The following ITGB4 variants were observed in gnomAD, a reference collection of about 807,000 sequenced individuals.
ITGB4 encodes integrin beta-4.
In ITGB4, 159 loss-of-function variants were observed where a neutral mutation model predicts 207.6. The observed-to-expected ratio is 0.77, with a 90% CI of 0.67 to 0.87. The LOEUF (loss-of-function observed/expected upper bound fraction) is 0.87, where lower values mean the gene tolerates loss of function less well. Ranked by LOEUF, ITGB4 falls within the 40% of genes least tolerant of loss-of-function variation. ITGB4 has a pLI of 0.00. For synonymous variants in ITGB4, 1,020 were observed against 1,062.7 expected, an observed-to-expected ratio of 0.96 and a Z score of 0.78; for missense variants, 2,278 against 2,546.8, an observed-to-expected ratio of 0.89 and a Z score of 2.27.
At position 75,753,807 on chromosome 17, in the gene ITGB4, A is replaced by G; in HGVS notation, c.4151A>G (p.Asp1384Gly). The change falls in exon 33 of 40, where the codon GAC (aspartate) becomes GGC (glycine). Residue 1384 changes from aspartate to glycine, a missense_variant. Physicochemically the swap from Asp to Gly is moderately conservative, Grantham distance 94. Transcript: ENST00000200181. ...GAGCCCCTGCTGGGGGAGGAGCTGGACCTGCGGCGCGTCACGTGGCGGCTG... is the reference window on the plus strand; with the variant it reads ...GAGCCCCTGCTGGGGGAGGAGCTGGGCCTGCGGCGCGTCACGTGGCGGCTG... ...KFEPLLGEEL[D>G]LRRVTWRLPP... The G allele has an allele frequency of 2.1e-5, 31 of 1,465,580 alleles. No individual in the cohort carries two copies. Among genetic ancestry groups the G allele is most frequent in the Non-Finnish European group, 2.8e-5 (31 of 1,109,476 alleles). 90.8% of individuals were successfully genotyped at this position (1,465,580 alleles called of 1,614,324 possible). A position where few individuals can be genotyped will look rare whatever the true frequency, so the allele number is the denominator to read the frequency against.
chr17:75,722,756 C>CGTGTGTGT lies in ITGB4; in HGVS notation c.-11+1144_-11+1145insGTGTGTGT, dbSNP rs1476736666. Among the ~76,000 whole-genome samples, 3 of 39,724 alleles carry CGTGTGTGT rather than the reference C, an allele frequency of 7.6e-5. No homozygotes were observed. The highest frequency in any genetic ancestry group is 1.1e-3 in the South Asian group (1 of 870). The allele number at this position is 39,724 out of a possible 152,430, so 26.1% of individuals were successfully genotyped here. ...TGAGCCTGTGGGTGGGTGGGCATGG[C>CGTGTGTGT]CTGTGTGTGTGTGTGTGTGTGTGTG... On this transcript the variant is annotated intron_variant, in intron 1 of 39. Coordinates refer to ENST00000200181, the MANE Select transcript of ITGB4 (RefSeq NM_000213.5). This position sits in a 1 kb window ranked among gnomAD's most constrained non-coding sequence, Gnocchi z 6.2.
In ITGB4 at chr17:75,737,424, T is replaced by A. The variant is rs746193892; in HGVS notation, c.2093T>A (p.Val698Asp). Residue 698 changes from valine (V) to aspartate (D), a missense_variant, in exon 17 of 40, where the codon GTC becomes GAC. Coordinates refer to ENST00000200181, the MANE Select transcript of ITGB4 (RefSeq NM_000213.5). ...GDGAPGPNST[V>D]LVHKKKDCPP... The stretch of plus-strand genomic sequence containing the variant: ...GGCGCCCCTGGGCCCAACAGCACTG[T>A]CCTGGTGCACAAGAAGAAGGGTGAG... 2.6e-6 allele frequency: 4 copies of A among 1,556,456 alleles called. No homozygotes were observed.
Position 75,731,066 on chromosome 17 carries a change from C to A in ITGB4, c.1092+102C>A. On this transcript the variant is annotated intron_variant, in intron 9 of 39. Transcript: ENST00000200181. This position sits in a 1 kb window ranked among gnomAD's most constrained non-coding sequence, Gnocchi z 6.8. ...CTTGGATCACGGTGGAGAAATGGGT[C>A]TGGGACAGACCAGTGAGGAAGGGTC... is the stretch of plus-strand genomic sequence containing the variant. 7.0e-7 allele frequency: 1 copy of A among 1,419,228 alleles called. No individual in the cohort carries two copies. The highest frequency in any genetic ancestry group is 9.9e-7 in the Non-Finnish European group (1 of 1,012,234). The allele number at this position is 1,419,228 out of a possible 1,614,324, so 87.9% of individuals were successfully genotyped here.
rs1378675023 is a variant in ITGB4, at chr17:75,757,496, A to T, written c.5410A>T (p.Thr1804Ser). The change falls in exon 40 of 40, where the codon ACA becomes TCA. Residue 1804 changes from threonine (T) to serine (S), a missense_variant. By Grantham distance (58) the Thr-to-Ser change is moderately conservative. Transcript: ENST00000200181. ...TGTGACCCAGGAGTTTGTGAGCCGG[A>T]CACTGACCACCAGCGGAACCCTTAG... The part of the protein sequence containing the change: ...RHVTQEFVSR[T>S]LTTSGTLSTH... 1.9e-6 allele frequency: 3 copies of T among 1,613,200 alleles called. No homozygotes were observed. Among genetic ancestry groups the T allele is most frequent in the Non-Finnish European group, 2.5e-6 (3 of 1,180,008 alleles).
chr17:75,757,297 G>C lies in ITGB4; in HGVS notation c.5316G>C (p.Glu1772Asp). The part of the protein sequence containing the change: ...SITTTHTSAT[E>D]PFLVDGLTLG... ...CCACCACCCACACCAGCGCCACCGA[G>C]CCCTTCCTAGTGGGTGAGCACTGAG... Residue 1772 changes from glutamate (E) to aspartate (D), a missense_variant, in exon 39 of 40, where the codon GAG becomes GAC. Glu to Asp is a conservative substitution (Grantham distance 45, BLOSUM62 2). Transcript: ENST00000200181. The C allele has an allele frequency of 6.2e-7, 1 of 1,612,156 alleles. No homozygotes were observed. The highest frequency in any genetic ancestry group is 1.1e-5 in the South Asian group (1 of 91,082).
At chr17:75,747,284 G>A (rs1168797725) in intron 26 of ITGB4, among the ~76,000 whole-genome samples, 2 of 152,030 alleles carry the variant, frequency 1.3e-5, no homozygotes, top group Non-Finnish European at 2.9e-5. Flanking sequence ...TTTGACACCA[G>A]CCTGACCAAC....
In ITGB4 at chr17:75,727,885, G is replaced by T. The variant is rs2060757179; in HGVS notation, c.469+30G>T. On this transcript the variant is annotated intron_variant, in intron 5 of 39. Coordinates refer to ENST00000200181, the MANE Select transcript of ITGB4 (RefSeq NM_000213.5). This position sits in a 1 kb window ranked among gnomAD's most constrained non-coding sequence, Gnocchi z 6.0. Reference sequence around the variant, plus strand: ...GGCAGGGCCAGAGTGGAGGACAGCAGGGCAGGAGGGGGACAGGTGGGCGTC... The same window carrying T: ...GGCAGGGCCAGAGTGGAGGACAGCATGGCAGGAGGGGGACAGGTGGGCGTC... The T allele has an allele frequency of 6.2e-7, 1 of 1,603,580 alleles. No homozygotes were observed. The highest frequency in any genetic ancestry group is 1.3e-5 in the African/African-American group (1 of 74,676).
Position 75,730,257 on chromosome 17 carries a change from G to A in ITGB4, c.755G>A (p.Arg252His), listed in dbSNP as rs933021387. 8.7e-6 allele frequency: 14 copies of A among 1,612,714 alleles called. No homozygotes were observed. The highest frequency in any genetic ancestry group is 2.2e-5 in the East Asian group (1 of 44,888). ...CTTCCCCAGAGGGACATTGGCTGGCGCCCGGACAGCACCCACCTGCTGGTC... is the reference window on the plus strand; with the variant it reads ...CTTCCCCAGAGGGACATTGGCTGGCACCCGGACAGCACCCACCTGCTGGTC... The part of the protein sequence containing the change: ...TAVCTRDIGW[R>H]PDSTHLLVFS... The change falls in exon 8 of 40, where the codon CGC (arginine) becomes CAC (histidine). Residue 252 changes from arginine to histidine, a missense_variant. Arg to His is a conservative substitution (Grantham distance 29). Transcript: ENST00000200181.
In ITGB4 at chr17:75,740,675, C is replaced by A; in HGVS notation, c.2551-118C>A. The A allele has an allele frequency of 8.0e-7, 1 of 1,244,166 alleles. No individual in the cohort carries two copies. Among genetic ancestry groups the A allele is most frequent in the South Asian group, 1.2e-5 (1 of 82,322 alleles). The allele number at this position is 1,244,166 out of a possible 1,614,324, so 77.1% of individuals were successfully genotyped here. Reference sequence around the variant, plus strand: ...CAGGATGCTGCCCCACGGGGCATGCCCCAGCCAACCCTGAGGATCTCTGGG... The same window carrying A: ...CAGGATGCTGCCCCACGGGGCATGCACCAGCCAACCCTGAGGATCTCTGGG... On this transcript the variant is annotated intron_variant, in intron 21 of 39. Coordinates refer to ENST00000200181, the MANE Select transcript of ITGB4 (RefSeq NM_000213.5). This position sits in a 1 kb window ranked among gnomAD's most constrained non-coding sequence, Gnocchi z 5.9.
At chr17:75,724,127 G>T (rs2060669865) in intron 1 of ITGB4, among the ~76,000 whole-genome samples, 1 of 152,182 alleles carries the variant, frequency 6.6e-6, no homozygotes, top group South Asian at 2.1e-4. Flanking sequence ...ACCCTGATGG[G>T]CCGGGCAGTC....
intron 26 of ITGB4, among the ~76,000 whole-genome samples, 172 bp from the exon 27 acceptor site, chr17:75,748,669 C>CAA (rs978715633): frequency 7.2e-6 from 1 of 138,620 alleles, no homozygotes; most frequent in Non-Finnish European, 1.6e-5. Context: ...GATTACGCCT[C>CAA]AAAAAAAAAA....
intron 2 of ITGB4, among the ~76,000 whole-genome samples, chr17:75,725,604 G>T (rs1184240071): frequency 6.6e-6 from 1 of 152,140 alleles, no homozygotes; most frequent in Non-Finnish European, 1.5e-5. Context: ...GTGAGCCATC[G>T]CACTGGCCAC....
In ITGB4 at chr17:75,724,775, G is replaced by A. The variant is rs761690140; in HGVS notation, c.72G>A (p.Gly24=). 2 of 1,613,574 alleles carry A rather than the reference G, an allele frequency of 1.2e-6. No homozygotes were observed. The highest frequency in any genetic ancestry group is 1.7e-6 in the Non-Finnish European group (2 of 1,179,920). Residue 24 remains glycine (G), a synonymous_variant, in exon 2 of 40, where the codon GGG becomes GGA. Transcript: ENST00000200181. ...CCTTGATCAGCGTCAGCCTCTCTGGGACCTTGGGTGAGTCCACGTTGCCCT... is the reference window on the plus strand; with the variant it reads ...CCTTGATCAGCGTCAGCCTCTCTGGAACCTTGGGTGAGTCCACGTTGCCCT... ...LAALISVSLS[G]TLANRCKKAP... is the part of the protein sequence containing the mutation.
At chr17:75,754,424 G>C in intron 33 of ITGB4, 152 bp from the exon 34 acceptor site, 15 of 890,120 alleles carry the variant, frequency 1.7e-5, no homozygotes, top group Non-Finnish European at 2.5e-5. Flanking sequence ...GGGACAGAGG[G>C]CCTCTGTCCC....
At position 75,748,997 on chromosome 17, in the gene ITGB4, G is replaced by T. The variant is rs1295414228; in HGVS notation, c.3268G>T (p.Ala1090Ser). 1.2e-6 allele frequency: 2 copies of T among 1,612,790 alleles called. No homozygotes were observed. The highest frequency in any genetic ancestry group is 2.2e-5 in the East Asian group (1 of 44,890). Reference sequence around the variant, plus strand: ...CCAGCTCAGCAACCCTAAGTTTGGGGCCCACCTGGGCCAGCCCCACTCCAC... The same window carrying T: ...CCAGCTCAGCAACCCTAAGTTTGGGTCCCACCTGGGCCAGCCCCACTCCAC... ...HVQLSNPKFG[A>S]HLGQPHSTTI... Residue 1090 changes from alanine (A) to serine (S), a missense_variant, in exon 27 of 40, where the codon GCC (alanine) becomes TCC (serine). Transcript: ENST00000200181.
chr17:75,729,684 G>A lies in ITGB4; in HGVS notation c.738+248G>A, dbSNP rs2148472507. 6.6e-6 allele frequency among the ~76,000 whole-genome samples: 1 copy of A among 152,350 alleles called. No individual in the cohort carries two copies. Among genetic ancestry groups the A allele is most frequent in the East Asian group, 1.9e-4 (1 of 5,192 alleles). ...GCAGTCACAGCCTGGTTTCGTATCA[G>A]CTACCAAGGCAGACCTGGGCTTTAG... On this transcript the variant is annotated intron_variant, in intron 7 of 39. Transcript: ENST00000200181. The surrounding 1 kb of genome is among the most constrained non-coding windows in gnomAD (Gnocchi z 4.4).
At chr17:75,724,586 A>G in intron 1 of ITGB4, 108 bp from the exon 2 acceptor site, 5 of 904,276 alleles carry the variant, frequency 5.5e-6, no homozygotes, top group Admixed American at 1.7e-5. Context: ...CCTTGGTCAC[A>G]TTGTTGGTGC....
rs2061147896 is a variant in ITGB4, at chr17:75,742,877, G to A, written c.2962+116G>A. On this transcript the variant is annotated intron_variant, in intron 25 of 39. Transcript: ENST00000200181. The surrounding 1 kb of genome is among the most constrained non-coding windows in gnomAD (Gnocchi z 5.9). Reference sequence around the variant, plus strand: ...GGCCTGGGCTAGTCACTTAACCTCTGCAAGCCTTGGTTTCTCCATCTGTAA... The same window carrying A: ...GGCCTGGGCTAGTCACTTAACCTCTACAAGCCTTGGTTTCTCCATCTGTAA... The A allele has an allele frequency of 8.4e-6, 8 of 950,006 alleles. No individual in the cohort carries two copies. Among genetic ancestry groups the A allele is most frequent in the African/African-American group, 8.2e-5 (5 of 61,244 alleles). 58.8% of individuals were successfully genotyped at this position (950,006 alleles called of 1,614,324 possible).
Position 75,732,065 on chromosome 17 carries a change from C to T in ITGB4, c.1377+92C>T, listed in dbSNP as rs1226865168. On this transcript the variant is annotated intron_variant, in intron 11 of 39. Transcript: ENST00000200181. The surrounding 1 kb of genome is among the most constrained non-coding windows in gnomAD (Gnocchi z 5.3). ...AAGCAGGACTCCTGTGCCCCATATCCCTTGTGGGGTTTCCCGAGGCACACA... is the reference window on the plus strand; with the variant it reads ...AAGCAGGACTCCTGTGCCCCATATCTCTTGTGGGGTTTCCCGAGGCACACA... The T allele has an allele frequency of 1.2e-6, 2 of 1,604,662 alleles. No homozygotes were observed. The highest frequency in any genetic ancestry group is 1.7e-6 in the Non-Finnish European group (2 of 1,172,024).
Sources: gnomAD v4.1 joint callset for allele counts (sites outside exome capture counted in the v4.1 genomes callset) on GRCh38, gnomAD v4.1.1 for gene constraint, Gnocchi (gnomAD v3.1) non-coding constraint, MANE v1.5 for transcripts, NCBI Gene and HGNC (gene_info 2026-07-23, HGNC 2026-07-21) for gene names.